CEP85L: variants seen among roughly 807,000 people sequenced by gnomAD.
CEP85L encodes the protein centrosomal protein of 85 kDa-like.
In CEP85L, 60 loss-of-function variants were observed where a neutral mutation model predicts 100.3. The ratio of observed to expected loss-of-function variants is 0.60; its 90% CI spans 0.49 to 0.74. CEP85L has a LOEUF of 0.74. CEP85L is among the 30% of genes least tolerant of loss of function. The pLI is 0.00. For missense variants in CEP85L, 973 were observed against 936.2 expected, an observed-to-expected ratio of 1.04 and a Z score of -0.51; for synonymous variants, 319 against 322.7, an observed-to-expected ratio of 0.99 and a Z score of 0.12.
chr6:118,648,033 C>T (rs1473829041), intron 1 of CEP85L, among the ~76,000 whole-genome samples: 1 of 152,102 alleles, frequency 6.6e-6, no homozygotes, highest in Non-Finnish European at 1.5e-5. Context: ...GCCGGTGGAT[C>T]ACTTGAGGCC....
intron 12 of CEP85L, among the ~76,000 whole-genome samples, chr6:118,467,223 T>A (rs986386899): frequency 6.6e-6 from 1 of 152,112 alleles, no homozygotes; most frequent in Admixed American, 6.6e-5. Flanking sequence ...GAGATAAATG[T>A]CTAGGTGAAA....
intron 3 of CEP85L, among the ~76,000 whole-genome samples, chr6:118,540,441 G>A (rs1314689857): frequency 6.6e-6 from 1 of 152,066 alleles, no homozygotes; most frequent in Non-Finnish European, 1.5e-5. Flanking sequence ...AGATCAGTAT[G>A]CAAACCTATG....
chr6:118,600,368 TGTAA>T lies in CEP85L; in HGVS notation c.232+32081_232+32084del, dbSNP rs1195416381. 9.5e-4 allele frequency among the ~76,000 whole-genome samples: 116 copies of T among 122,740 alleles called. 2 individuals are homozygous for T. The highest frequency in any genetic ancestry group is 1.4e-3 in the South Asian group (5 of 3,520). 80.5% of individuals were successfully genotyped at this position (122,740 alleles called of 152,430 possible). ...GTGTGTGTGTGTGTGTGTGTGTGTG[TGTAA>T]CGCCATGGAGCAATCTCAGCTCACT... On this transcript the variant is annotated intron_variant, in intron 2 of 12. Coordinates refer to ENST00000368491, the MANE Select transcript of CEP85L (RefSeq NM_001042475.3).
chr6:118,586,041 G>A (rs1029852340), intron 2 of CEP85L, among the ~76,000 whole-genome samples: 3 of 152,206 alleles, frequency 2.0e-5, no homozygotes, highest in Admixed American at 6.5e-5. Context: ...AGTGACAATG[G>A]GCCCTCATTT....
intron 1 of CEP85L, among the ~76,000 whole-genome samples, chr6:118,698,538 G>GA (rs5879467): frequency 0.54 from 77,618 of 142,454 alleles, 21,867 homozygotes; most frequent in Non-Finnish European, 0.67. Context: ...TGCTGAAGCA[G>GA]AAAAAAAAAA....
At chr6:118,537,715 T>G (rs1777673144) in intron 3 of CEP85L, 1 of 985,384 alleles carries the variant, frequency 1.0e-6, no homozygotes, top group African/African-American at 1.7e-5. Flanking sequence ...TCAAAATTCT[T>G]TGGCCTGGAC....
rs1343515132 is a variant in CEP85L, at chr6:118,465,502, G to A, written c.2321C>T (p.Ser774Leu). The A allele has an allele frequency of 1.2e-6, 2 of 1,613,648 alleles. No individual in the cohort carries two copies. Among genetic ancestry groups the A allele is most frequent in the South Asian group, 1.1e-5 (1 of 91,058 alleles). Residue 774 changes from serine to leucine, a missense_variant, in exon 13 of 13, where the codon TCA becomes TTA. By Grantham distance (145) the Ser-to-Leu change is moderately radical. This residue lies in a region of CEP85L where 890 missense variants were observed against 844.5 expected (regional missense o/e 1.05). Coordinates refer to ENST00000368491, the MANE Select transcript of CEP85L (RefSeq NM_001042475.3). ...GTCTCTTCGTAACTGGCACACATCT[G>A]ACAGCTTTTTAGTGAGTGTTTCTGT... Reference protein sequence around the residue: ...HSTETLTKKLSDVCQLRRDID... With the variant: ...HSTETLTKKLLDVCQLRRDID...
chr6:118,653,858 A>G (rs1374849816), upstream of CEP85L, among the ~76,000 whole-genome samples: 1 of 151,968 alleles, frequency 6.6e-6, no homozygotes, highest in African/African-American at 2.4e-5. Flanking sequence ...AGATCACAAA[A>G]GAAGAAAATA....
At chr6:118,644,715 G>C (rs367981714) in intron 1 of CEP85L, among the ~76,000 whole-genome samples, 19 of 152,174 alleles carry the variant, frequency 1.2e-4, no homozygotes, top group African/African-American at 4.6e-4. Flanking sequence ...CAAACCATCA[G>C]TAAATCCTTA....
chr6:118,482,946 T>C (rs1773897794), intron 7 of CEP85L, among the ~76,000 whole-genome samples: 1 of 152,198 alleles, frequency 6.6e-6, no homozygotes, highest in Non-Finnish European at 1.5e-5. Context: ...TTTGGAAATA[T>C]CTGTTTACAT....
intron 3 of CEP85L, among the ~76,000 whole-genome samples, chr6:118,530,559 AG>A (rs1777234926): frequency 1.3e-5 from 2 of 152,296 alleles, no homozygotes; most frequent in South Asian, 4.1e-4. Flanking sequence ...GCATACAAAT[AG>A]GAAGAGAGAA....
intron 6 of CEP85L, among the ~76,000 whole-genome samples, chr6:118,487,015 A>T (rs1458652922): frequency 6.6e-6 from 1 of 152,146 alleles, no homozygotes; most frequent in African/African-American, 2.4e-5. Flanking sequence ...AGGAGCTTAG[A>T]GAGAAATATA....
intron 10 of CEP85L, among the ~76,000 whole-genome samples, chr6:118,471,854 T>C (rs1022279269): frequency 6.6e-6 from 1 of 151,738 alleles, no homozygotes; most frequent in Non-Finnish European, 1.5e-5. Context: ...CTTCATTAGA[T>C]TGACTCAAAT....
At chr6:118,654,217 G>A (rs531226508), upstream of CEP85L, among the ~76,000 whole-genome samples, 35 of 152,312 alleles carry the variant, frequency 2.3e-4, no homozygotes, top group South Asian at 1.4e-3. Context: ...GTTGGAGGCT[G>A]TAGTGAGCTG....
chr6:118,577,277 T>G (rs953039535), intron 2 of CEP85L, among the ~76,000 whole-genome samples: 2 of 152,200 alleles, frequency 1.3e-5, no homozygotes, highest in African/African-American at 4.8e-5. Flanking sequence ...GGTATTGCAG[T>G]GGACCACTAT....
chr6:118,574,856 T>C lies in CEP85L; in HGVS notation c.233-8540A>G, dbSNP rs1780125758. Among the ~76,000 whole-genome samples the C allele has an allele frequency of 2.0e-5, 3 of 152,216 alleles. No individual in the cohort carries two copies. The South Asian group carries it at 6.2e-4, about 32-fold the overall frequency. On this transcript the variant is annotated intron_variant, in intron 2 of 12. Transcript: ENST00000368491. ...CCAGATCCATGGTTCCATGGTCACC[T>C]GATATGCCTTAGGGTAGCTTTCCTG...
At chr6:118,488,358 C>T (rs528160837) in intron 6 of CEP85L, among the ~76,000 whole-genome samples, 1 of 151,754 alleles carries the variant, frequency 6.6e-6, no homozygotes, top group East Asian at 1.9e-4. Flanking sequence ...CTTTACCAAA[C>T]AAATCTTGGA....
intron 3 of CEP85L, among the ~76,000 whole-genome samples, chr6:118,553,885 C>T (rs1158012736): frequency 6.6e-6 from 1 of 152,126 alleles, no homozygotes; most frequent in Non-Finnish European, 1.5e-5. Flanking sequence ...TCCTCTAAGC[C>T]TCATTTTTCT....
chr6:118,515,906 C>T (rs12212089), intron 4 of CEP85L, among the ~76,000 whole-genome samples: 4,483 of 152,240 alleles, frequency 0.029, 115 homozygotes, highest in African/African-American at 0.057. Context: ...CCAAGACCCC[C>T]ACCCCCAGAT....
Sources: gnomAD v4.1 joint callset for allele counts (sites outside exome capture counted in the v4.1 genomes callset) on GRCh38, gnomAD v4.1.1 for gene constraint, gnomAD v4.1.1 regional missense constraint, MANE v1.5 for transcripts, NCBI Gene and HGNC (gene_info 2026-07-23, HGNC 2026-07-21) for gene names.